The following PARD3B variants were observed in gnomAD, a reference collection of about 807,000 sequenced individuals.
The protein encoded by PARD3B is par-3 family cell polarity regulator beta.
PARD3B carries 103 observed loss-of-function variants against 130.2 expected under a neutral mutation model. That is an observed-to-expected ratio of 0.79 (90% CI 0.67 to 0.93). PARD3B has a LOEUF of 0.93. Ranked by LOEUF, PARD3B falls within the 40% of genes least tolerant of loss-of-function variation. The pLI is 0.00. For missense variants in PARD3B, 1,609 were observed against 1,499.2 expected (o/e 1.07, Z -1.21); for synonymous variants, 583 against 553.2 (o/e 1.05, Z -0.76).
intron 20 of PARD3B, among the ~76,000 whole-genome samples, chr2:205,476,040 T>C (rs1472457272): frequency 6.6e-6 from 1 of 152,170 alleles, no homozygotes; most frequent in Non-Finnish European, 1.5e-5. Context: ...TGTCAAGTGG[T>C]CAAAAATGAA....
intron 2 of PARD3B, among the ~76,000 whole-genome samples, chr2:204,835,846 A>G (rs924185081): frequency 5.3e-5 from 8 of 152,210 alleles, no homozygotes; most frequent in African/African-American, 1.7e-4. Context: ...CTGCAGGCTT[A>G]TGTAAGTGTT....
In PARD3B at chr2:204,924,536, A is replaced by G. The variant is rs184867985; in HGVS notation, c.223-40616A>G. Among the ~76,000 whole-genome samples, 21 of 152,218 alleles carry G rather than the reference A, an allele frequency of 1.4e-4. No homozygotes were observed. The East Asian group carries it at 4.0e-3, about 29-fold the overall frequency. ...AATTAGTTACTACTAAAATTGTTAA[A>G]AAGTCATCTGTGAATAGTCTTTTGC... On this transcript the variant is annotated intron_variant, in intron 2 of 22. Transcript: ENST00000406610.
In PARD3B at chr2:205,502,373, C is replaced by T. The variant is rs111646126; in HGVS notation, c.3180+2342C>T. Among the ~76,000 whole-genome samples the T allele has an allele frequency of 8.7e-4, 132 of 152,184 alleles. 1 individual carries two copies. The highest frequency in any genetic ancestry group is 3.4e-3 in the Middle Eastern group (1 of 294). On this transcript the variant is annotated intron_variant, in intron 21 of 22. Transcript: ENST00000406610. ...ACTAGCTAAAATCAGATCACAGTCG[C>T]GTGAAGGGGAAGAATGGGCCCAGGA...
rs191678289 is a variant in PARD3B at position 205,612,373 on chromosome 2, C to T, written c.3261-3083C>T. ...ACCAGGCTGGTCTCAAACTCCTGACCTCAAGTGATCCACCCACCTTGGCCT... is the reference window on the plus strand; with the variant it reads ...ACCAGGCTGGTCTCAAACTCCTGACTTCAAGTGATCCACCCACCTTGGCCT... On this transcript the variant is annotated intron_variant, in intron 22 of 22. Coordinates refer to ENST00000406610, the MANE Select transcript of PARD3B (RefSeq NM_001302769.2). Among the ~76,000 whole-genome samples the T allele has an allele frequency of 5.9e-5, 9 of 152,240 alleles. No individual in the cohort carries two copies. The East Asian group carries it at 1.4e-3, about 23-fold the overall frequency.
intron 18 of PARD3B, among the ~76,000 whole-genome samples, chr2:205,382,230 T>G (rs1323586148): frequency 6.6e-6 from 1 of 152,118 alleles, no homozygotes; most frequent in Admixed American, 6.6e-5. Flanking sequence ...TGACAGTTCT[T>G]CCCTTTTTCC....
chr2:205,503,636 G>A (rs1399568844), intron 21 of PARD3B, among the ~76,000 whole-genome samples: 1 of 152,072 alleles, frequency 6.6e-6, no homozygotes, highest in East Asian at 1.9e-4. Context: ...TTTTGTCTTA[G>A]GATTGACTTG....
At chr2:204,711,149 A>G (rs1217066118) in intron 2 of PARD3B, among the ~76,000 whole-genome samples, 1 of 152,348 alleles carries the variant, frequency 6.6e-6, no homozygotes, top group African/African-American at 2.4e-5. Context: ...AAATTATAGC[A>G]TATTTTGTAT....
intron 2 of PARD3B, among the ~76,000 whole-genome samples, chr2:204,834,187 G>T (rs2125574045): frequency 6.6e-6 from 1 of 152,110 alleles, no homozygotes; most frequent in Non-Finnish European, 1.5e-5. Flanking sequence ...ATCTCTGATT[G>T]TTTTTATGTA....
At chr2:205,139,084 T>C (rs1187852141) in intron 10 of PARD3B, among the ~76,000 whole-genome samples, 1 of 152,188 alleles carries the variant, frequency 6.6e-6, no homozygotes, top group Non-Finnish European at 1.5e-5. Flanking sequence ...TCCAATAGAA[T>C]GCAAATTATT....
chr2:205,010,923 A>G (rs556973793), intron 3 of PARD3B, among the ~76,000 whole-genome samples: 3 of 152,192 alleles, frequency 2.0e-5, no homozygotes, highest in African/African-American at 7.2e-5. Context: ...GATTTTTTCT[A>G]CTGATTATTT....
At chr2:205,593,655 G>T (rs189389012) in intron 22 of PARD3B, among the ~76,000 whole-genome samples, 2 of 152,198 alleles carry the variant, frequency 1.3e-5, no homozygotes, top group African/African-American at 4.8e-5. Flanking sequence ...CATGGAACAA[G>T]GAGGTAAATT....
At chr2:205,299,259 T>C (rs1574632814) in intron 16 of PARD3B, among the ~76,000 whole-genome samples, 1 of 152,132 alleles carries the variant, frequency 6.6e-6, no homozygotes, top group Non-Finnish European at 1.5e-5. Flanking sequence ...ATAGTGGCAG[T>C]GATAATAGAA....
At chr2:204,974,507 A>G (rs923272175) in intron 3 of PARD3B, among the ~76,000 whole-genome samples, 6 of 152,244 alleles carry the variant, frequency 3.9e-5, no homozygotes, top group Admixed American at 6.5e-5. Context: ...GGCCTAAAAC[A>G]TGGCATAGAT....
chr2:204,659,305 T>C (rs1484768352), intron 1 of PARD3B, among the ~76,000 whole-genome samples: 2 of 152,198 alleles, frequency 1.3e-5, no homozygotes, highest in African/African-American at 2.4e-5. Context: ...AATTTCTTTC[T>C]GTATTCTGAA....
At chr2:204,743,165 A>T (rs2040077349) in intron 2 of PARD3B, among the ~76,000 whole-genome samples, 1 of 152,156 alleles carries the variant, frequency 6.6e-6, no homozygotes, top group Non-Finnish European at 1.5e-5. Flanking sequence ...TACTTACTAA[A>T]TGTTGGTTAA....
At position 205,617,406 on chromosome 2, in the gene PARD3B, C is replaced by T. The variant is rs77619426; in HGVS notation, c.*1593C>T. 6.6e-6 allele frequency: 1 copy of T among 152,098 alleles called. No individual in the cohort carries two copies. The highest frequency in any genetic ancestry group is 2.1e-4 in the South Asian group (1 of 4,818). The allele number at this position is 152,098 out of a possible 1,614,324, so 9.4% of individuals were successfully genotyped here. On this transcript the variant is annotated 3_prime_UTR_variant, in exon 23 of 23. Coordinates refer to ENST00000406610, the MANE Select transcript of PARD3B (RefSeq NM_001302769.2). The stretch of plus-strand genomic sequence containing the variant: ...TTGGCTGAGATTAGCATACCTCTGA[C>T]TCACAGGATTTAATAAATTATAGTA...
intron 19 of PARD3B, among the ~76,000 whole-genome samples, chr2:205,417,029 G>A (rs947799995): frequency 1.9e-4 from 28 of 151,252 alleles, no homozygotes; most frequent in Non-Finnish European, 3.5e-4. Flanking sequence ...TGCTGCACCC[G>A]TTAACTCGTC....
intron 15 of PARD3B, among the ~76,000 whole-genome samples, chr2:205,218,495 T>A (rs905018256): frequency 6.6e-6 from 1 of 152,178 alleles, no homozygotes; most frequent in Non-Finnish European, 1.5e-5. Context: ...ACACTTTTGG[T>A]TTTTTTACAA....
chr2:204,705,722 TAC>T (rs1275492191), intron 2 of PARD3B, among the ~76,000 whole-genome samples: 3 of 152,142 alleles, frequency 2.0e-5, no homozygotes, highest in African/African-American at 7.2e-5. Context: ...TTGGGAAAAC[TAC>T]AGTTTTAGTG....
Sources: allele counts gnomAD v4.1 joint callset (sites outside exome capture counted in the v4.1 genomes callset), GRCh38; gene constraint gnomAD v4.1.1; transcripts MANE v1.5; gene names NCBI Gene and HGNC (gene_info 2026-07-23, HGNC 2026-07-21).